PITPNC1: variants seen among roughly 807,000 people sequenced by gnomAD.
PITPNC1 encodes the protein cytoplasmic phosphatidylinositol transfer protein 1.
PITPNC1 carries 18 observed loss-of-function variants against 44.7 expected under a neutral mutation model. That is an observed-to-expected ratio of 0.40 (90% CI 0.28 to 0.60). The LOEUF is 0.60. Among genes scored for constraint, PITPNC1 ranks in the 20% least tolerant of loss-of-function variants. The probability of loss-of-function intolerance (pLI) is 0.39; values close to 1 mark genes in which losing one functional copy is unlikely to be tolerated. For missense variants in PITPNC1, 290 were observed against 418.4 expected, an observed-to-expected ratio of 0.69 and a Z score of 2.68; for synonymous variants, 141 against 149.6, an observed-to-expected ratio of 0.94 and a Z score of 0.42.
chr17:67,431,312 G>C (rs1280614502), intron 1 of PITPNC1, among the ~76,000 whole-genome samples: 2 of 152,048 alleles, frequency 1.3e-5, no homozygotes, highest in Non-Finnish European at 2.9e-5. Context: ...ATCCGCCTCA[G>C]CATCCCAAAG....
chr17:67,691,141 A>G (rs2042920234), intron 8 of PITPNC1, among the ~76,000 whole-genome samples: 1 of 151,982 alleles, frequency 6.6e-6, no homozygotes, highest in Admixed American at 6.6e-5. Context: ...AATAACAGTA[A>G]TAATAGAGTT....
intron 1 of PITPNC1, among the ~76,000 whole-genome samples, chr17:67,429,039 C>G (rs937543595): frequency 9.2e-5 from 14 of 151,672 alleles, no homozygotes; most frequent in Admixed American, 7.9e-4. Flanking sequence ...CGGGGTTTCT[C>G]CATGTTGGTC....
At chr17:67,496,047 A>G (rs1162348839) in intron 1 of PITPNC1, among the ~76,000 whole-genome samples, 2 of 152,166 alleles carry the variant, frequency 1.3e-5, no homozygotes, top group Non-Finnish European at 2.9e-5. Context: ...CCAAAATACA[A>G]AGGAGTTTTT....
chr17:67,574,042 G>A (rs565151543), intron 4 of PITPNC1, among the ~76,000 whole-genome samples: 2 of 152,312 alleles, frequency 1.3e-5, no homozygotes, highest in Non-Finnish European at 2.9e-5. Flanking sequence ...AATAATCAAT[G>A]AAACAAGGTT....
chr17:67,398,243 A>T (rs1282685049), intron 1 of PITPNC1, among the ~76,000 whole-genome samples: 1 of 152,144 alleles, frequency 6.6e-6, no homozygotes, highest in Non-Finnish European at 1.5e-5. Context: ...TAATCAAAAT[A>T]ATCAACACAT....
intron 7 of PITPNC1, among the ~76,000 whole-genome samples, chr17:67,671,306 T>C (rs573254240): frequency 6.6e-6 from 1 of 152,334 alleles, no homozygotes; most frequent in Non-Finnish European, 1.5e-5. Context: ...AGCATTGCCC[T>C]TTGTAGCTGC....
chr17:67,416,993 G>A (rs1419883988), intron 1 of PITPNC1, among the ~76,000 whole-genome samples: 1 of 151,744 alleles, frequency 6.6e-6, no homozygotes, highest in Non-Finnish European at 1.5e-5. Flanking sequence ...TGTATTTTTA[G>A]TAGAGACGGG....
At chr17:67,470,727 C>A (rs2039512446) in intron 1 of PITPNC1, among the ~76,000 whole-genome samples, 3 of 151,958 alleles carry the variant, frequency 2.0e-5, no homozygotes, top group Admixed American at 2.0e-4. Flanking sequence ...TGAGAACAGG[C>A]CAGGATGACA....
chr17:67,380,791 T>C (rs2037946578), intron 1 of PITPNC1, among the ~76,000 whole-genome samples: 1 of 152,144 alleles, frequency 6.6e-6, no homozygotes, highest in Non-Finnish European at 1.5e-5. Context: ...TTTTTCTTTT[T>C]GAGACACGGT....
chr17:67,662,736 A>T (rs979871359), intron 6 of PITPNC1, among the ~76,000 whole-genome samples: 2 of 152,134 alleles, frequency 1.3e-5, no homozygotes, highest in Admixed American at 1.3e-4. Flanking sequence ...TCTGAAGCTC[A>T]TCTGTGTTGG....
At chr17:67,526,639 G>A (rs1332748889) in intron 1 of PITPNC1, among the ~76,000 whole-genome samples, 1 of 152,038 alleles carries the variant, frequency 6.6e-6, no homozygotes, top group Non-Finnish European at 1.5e-5. Flanking sequence ...GGCTGAGGCA[G>A]GAGAATTCCT....
At chr17:67,547,171 C>T (rs1003691048) in intron 2 of PITPNC1, among the ~76,000 whole-genome samples, 8 of 152,092 alleles carry the variant, frequency 5.3e-5, no homozygotes, top group South Asian at 2.1e-4. Context: ...GTTTTAGGTA[C>T]GCTGTTGAGA....
intron 1 of PITPNC1, among the ~76,000 whole-genome samples, chr17:67,454,115 G>A (rs775558333): frequency 1.8e-4 from 28 of 152,116 alleles, no homozygotes; most frequent in Non-Finnish European, 2.6e-4. Flanking sequence ...CCTGGGCCTG[G>A]TGGCGGGCAC....
At chr17:67,425,223 A>T (rs865836673) in intron 1 of PITPNC1, among the ~76,000 whole-genome samples, 1 of 91,468 alleles carries the variant, frequency 1.1e-5, no homozygotes, top group Non-Finnish European at 2.5e-5. Flanking sequence ...ACACACACAC[A>T]CACACACACA....
intron 1 of PITPNC1, among the ~76,000 whole-genome samples, chr17:67,513,974 G>A (rs1391625816): frequency 1.3e-5 from 2 of 151,378 alleles, no homozygotes; most frequent in Admixed American, 6.6e-5. Flanking sequence ...GAAGCCCACC[G>A]AAGACCCGCC....
chr17:67,606,156 C>G (rs1016665010), intron 5 of PITPNC1, among the ~76,000 whole-genome samples: 1 of 151,854 alleles, frequency 6.6e-6, no homozygotes, highest in Non-Finnish European at 1.5e-5. Flanking sequence ...GGGTGATAAG[C>G]GAGGGAATTA....
At chr17:67,531,921 A>T (rs1462432830) in intron 1 of PITPNC1, among the ~76,000 whole-genome samples, 2 of 151,902 alleles carry the variant, frequency 1.3e-5, no homozygotes, top group African/African-American at 4.8e-5. Flanking sequence ...TCTCTTTTCC[A>T]TCAAATTCGT....
In PITPNC1 at chr17:67,452,642, G is replaced by A. The variant is rs566894121; in HGVS notation, c.48+74440G>A. ...CAAGTAGCTGGGACTACAGGCGTGCGCCACCACGCCCAGCTAATTTTTGTA... is the reference window on the plus strand; with the variant it reads ...CAAGTAGCTGGGACTACAGGCGTGCACCACCACGCCCAGCTAATTTTTGTA... On this transcript the variant is annotated intron_variant, in intron 1 of 8. Transcript: ENST00000581322. Among the ~76,000 whole-genome samples the A allele has an allele frequency of 4.3e-3, 655 of 150,836 alleles. 6 individuals carry two copies. Among genetic ancestry groups the A allele is most frequent in the African/African-American group, 0.015 (636 of 41,330 alleles).
At chr17:67,547,255 C>T (rs968564220) in intron 2 of PITPNC1, among the ~76,000 whole-genome samples, 2 of 152,142 alleles carry the variant, frequency 1.3e-5, no homozygotes, top group Non-Finnish European at 2.9e-5. Flanking sequence ...TGGCTCATGC[C>T]TGTAATCCCA....
Sources: gnomAD v4.1 joint callset for allele counts (sites outside exome capture counted in the v4.1 genomes callset) on GRCh38, gnomAD v4.1.1 for gene constraint, MANE v1.5 for transcripts, NCBI Gene and HGNC (gene_info 2026-07-23, HGNC 2026-07-21) for gene names.